RAD54L2: variants seen among roughly 807,000 people sequenced by gnomAD.
RAD54L2 encodes the protein helicase ARIP4.
Under a neutral mutation model 138.4 loss-of-function variants are expected in RAD54L2, and 27 were observed. That is an observed-to-expected ratio of 0.20 (90% CI 0.14 to 0.27). RAD54L2 has a LOEUF of 0.27. Ranked by LOEUF, RAD54L2 falls within the 10% of genes least tolerant of loss-of-function variation. The probability of loss-of-function intolerance (pLI) is 1.00; values close to 1 mark genes in which losing one functional copy is unlikely to be tolerated. For missense variants in RAD54L2, 1,396 were observed against 1,890.2 expected, an observed-to-expected ratio of 0.74 and a Z score of 4.85; for synonymous variants, 644 against 723.2, an observed-to-expected ratio of 0.89 and a Z score of 1.76.
At chr3:51,629,602 T>G in intron 5 of RAD54L2, 129 bp downstream of exon 5, 1 of 1,195,772 alleles carries the variant, frequency 8.4e-7, no homozygotes, top group Non-Finnish European at 1.1e-6. Flanking sequence ...CTCACGCCTG[T>G]AATCCCAGCA....
intron 4 of RAD54L2, among the ~76,000 whole-genome samples, chr3:51,628,500 G>A (rs991855581): frequency 6.6e-6 from 1 of 151,808 alleles, no homozygotes; most frequent in Non-Finnish European, 1.5e-5. Flanking sequence ...AGCGGTTCTT[G>A]TGCTTCAACC....
intron 3 of RAD54L2, among the ~76,000 whole-genome samples, chr3:51,593,340 T>A (rs1005396702): frequency 6.7e-6 from 1 of 149,320 alleles, no homozygotes; most frequent in African/African-American, 2.5e-5. Flanking sequence ...TTTTTTTTTT[T>A]ATGTTTTTTT....
In RAD54L2 at chr3:51,663,360, G is replaced by T; in HGVS notation, c.4344G>T (p.Gly1448=). The change falls in exon 23 of 23, where the codon GGG becomes GGT. Residue 1448 remains glycine (G), a synonymous_variant. Transcript: ENST00000684192. The part of the protein sequence containing the change: ...PFDSHEVAEV[G]FSSNDDEDKD... The stretch of plus-strand genomic sequence containing the variant: ...ACTCTCATGAGGTTGCCGAGGTTGG[G>T]TTCAGCTCCAATGATGATGAGGATA... 3.7e-6 allele frequency: 6 copies of T among 1,613,838 alleles called. No homozygotes were observed. Among genetic ancestry groups the T allele is most frequent in the Non-Finnish European group, 5.1e-6 (6 of 1,179,872 alleles).
intron 19 of RAD54L2, among the ~76,000 whole-genome samples, chr3:51,654,417 G>T (rs1701541652): frequency 6.6e-6 from 1 of 152,144 alleles, no homozygotes; most frequent in Admixed American, 6.5e-5. Flanking sequence ...ACTAGACATG[G>T]TGGCACATAC....
At chr3:51,569,600 T>G (rs568234147) in intron 2 of RAD54L2, among the ~76,000 whole-genome samples, 8 of 152,266 alleles carry the variant, frequency 5.3e-5, no homozygotes, top group Non-Finnish European at 1.2e-4. Flanking sequence ...GCCAGGCTGG[T>G]CTTGAACTCC....
At chr3:51,613,969 A>G (rs1430943661) in intron 3 of RAD54L2, among the ~76,000 whole-genome samples, 2 of 152,290 alleles carry the variant, frequency 1.3e-5, no homozygotes, top group African/African-American at 4.8e-5. Context: ...GAGGTCAGGG[A>G]TGCTGCTAAA....
chr3:51,582,434 G>A (rs1045895389), intron 2 of RAD54L2, among the ~76,000 whole-genome samples: 1 of 151,518 alleles, frequency 6.6e-6, no homozygotes, highest in African/African-American at 2.4e-5. Flanking sequence ...TTTTTGTTTT[G>A]TTTGTGTGTG....
intron 2 of RAD54L2, among the ~76,000 whole-genome samples, chr3:51,573,097 G>T (rs1699377806): frequency 6.6e-6 from 1 of 152,128 alleles, no homozygotes; most frequent in African/African-American, 2.4e-5. Context: ...AATCTAGATG[G>T]ATACATAAGT....
chr3:51,554,552 G>A (rs539694044), intron 2 of RAD54L2, among the ~76,000 whole-genome samples: 146 of 152,080 alleles, frequency 9.6e-4, no homozygotes, highest in African/African-American at 2.9e-3. Context: ...ATAAATAAAT[G>A]ACAGATGACG....
intron 3 of RAD54L2, among the ~76,000 whole-genome samples, chr3:51,608,672 G>A (rs973876150): frequency 2.6e-5 from 4 of 152,180 alleles, no homozygotes; most frequent in African/African-American, 9.6e-5. Context: ...CAAAAAATAC[G>A]AAAACCAGTC....
At chr3:51,595,156 G>A (rs1559629671) in intron 3 of RAD54L2, among the ~76,000 whole-genome samples, 3 of 152,066 alleles carry the variant, frequency 2.0e-5, no homozygotes, top group Non-Finnish European at 2.9e-5. Flanking sequence ...ATGAGCCACC[G>A]TGCCTGGCCG....
chr3:51,571,664 G>A (rs1266078152), intron 2 of RAD54L2, among the ~76,000 whole-genome samples: 3 of 152,036 alleles, frequency 2.0e-5, no homozygotes, highest in Non-Finnish European at 1.5e-5. Flanking sequence ...CACCATGCCT[G>A]TCCTCAAATA....
At position 51,662,148 on chromosome 3, in the gene RAD54L2, T is replaced by A. The variant is rs537676227; in HGVS notation, c.3410-278T>A. On this transcript the variant is annotated intron_variant, in intron 22 of 22. Transcript: ENST00000684192. This position sits in a 1 kb window ranked among gnomAD's most constrained non-coding sequence, Gnocchi z 4.6. ...GTTTTAAGAATGATCTCTTAGTGTT[T>A]CATATCCCTTATCTCGTAGGATTCA... Among the ~76,000 whole-genome samples, 1 of 152,350 alleles carries A rather than the reference T, an allele frequency of 6.6e-6. No individual in the cohort carries two copies. The highest frequency in any genetic ancestry group is 2.1e-4 in the South Asian group (1 of 4,828).
chr3:51,619,472 A>G (rs1164125585), intron 3 of RAD54L2, among the ~76,000 whole-genome samples: 2 of 150,888 alleles, frequency 1.3e-5, no homozygotes, highest in Non-Finnish European at 1.5e-5. Context: ...AGTTTCTGAC[A>G]CAGTGCAATG....
At chr3:51,660,931 C>T (rs1480928883) in intron 22 of RAD54L2, among the ~76,000 whole-genome samples, 1 of 145,122 alleles carries the variant, frequency 6.9e-6, no homozygotes. Context: ...TAAGTTTCTC[C>T]TCCACCATGG....
chr3:51,628,152 T>A (rs1700737781), intron 4 of RAD54L2, among the ~76,000 whole-genome samples: 1 of 152,188 alleles, frequency 6.6e-6, no homozygotes, highest in African/African-American at 2.4e-5. Flanking sequence ...TAGAGGACTG[T>A]CTGACCCAAA....
chr3:51,637,468 T>C lies in RAD54L2; in HGVS notation c.1647T>C (p.His549=). 2 of 1,613,606 alleles carry C rather than the reference T, an allele frequency of 1.2e-6. No homozygotes were observed. Among genetic ancestry groups the C allele is most frequent in the Non-Finnish European group, 1.7e-6 (2 of 1,179,694 alleles). ...TCCGCCTCATGCGGTACCGGAGCCA[T>C]GTCCTGCACAGTCTTCTGGAGGGCT... ...QDVRLMRYRS[H]VLHSLLEGFV... The change falls in exon 11 of 23, where the codon CAT becomes CAC. Residue 549 remains histidine (H), a synonymous_variant. Transcript: ENST00000684192. The surrounding 1 kb of genome is among the most constrained non-coding windows in gnomAD (Gnocchi z 5.9).
intron 19 of RAD54L2, among the ~76,000 whole-genome samples, chr3:51,648,763 A>G (rs1417264383): frequency 1.3e-5 from 2 of 152,226 alleles, no homozygotes; most frequent in African/African-American, 4.8e-5. Flanking sequence ...CAACATCAAC[A>G]GAAAGGACAT....
intron 3 of RAD54L2, among the ~76,000 whole-genome samples, chr3:51,609,770 A>G (rs1261143562): frequency 6.6e-6 from 1 of 150,604 alleles, no homozygotes; most frequent in Admixed American, 6.7e-5. Context: ...CAAAGTGTTC[A>G]CCTGAGTCCT....
Sources: allele counts gnomAD v4.1 joint callset (sites outside exome capture counted in the v4.1 genomes callset), GRCh38; gene constraint gnomAD v4.1.1; non-coding constraint Gnocchi (gnomAD v3.1); transcripts MANE v1.5; gene names NCBI Gene and HGNC (gene_info 2026-07-23, HGNC 2026-07-21).